The following FAT2 variants were observed in gnomAD, a reference collection of about 807,000 sequenced individuals.
FAT2 encodes the protein protocadherin Fat 2.
In FAT2, 150 loss-of-function variants were observed where a neutral mutation model predicts 295.3. The ratio of observed to expected loss-of-function variants is 0.51; its 90% CI spans 0.44 to 0.58. The LOEUF (loss-of-function observed/expected upper bound fraction) is 0.58, where lower values mean the gene tolerates loss of function less well. Ranked by LOEUF, FAT2 falls within the 20% of genes least tolerant of loss-of-function variation. The probability of loss-of-function intolerance (pLI) is 0.00; values close to 1 mark genes in which losing one functional copy is unlikely to be tolerated. For synonymous variants in FAT2, 2,026 were observed against 2,150.3 expected (o/e 0.94, Z 1.60); for missense variants, 4,868 against 5,442.7 (o/e 0.89, Z 3.32).
Position 151,544,022 on chromosome 5 carries a change from C to T in FAT2, c.7105G>A (p.Val2369Met). Residue 2369 changes from valine to methionine, a missense_variant, in exon 10 of 24, where the codon GTG becomes ATG. By Grantham distance (21) the Val-to-Met change is conservative. Coordinates refer to ENST00000261800, the MANE Select transcript of FAT2 (RefSeq NM_001447.3). ...LTGETLVVVNVSDINDNPPEF... is the reference protein window; with the variant it reads ...LTGETLVVVNMSDINDNPPEF... ...GGGGGGTTGTCATTGATATCAGACA[C>T]ATTGACAACCACAAGGGTTTCACCA... is the stretch of plus-strand genomic sequence containing the variant. The T allele has an allele frequency of 6.2e-7, 1 of 1,614,200 alleles. No individual in the cohort carries two copies. Among genetic ancestry groups the T allele is most frequent in the Non-Finnish European group, 8.5e-7 (1 of 1,180,042 alleles).
At chr5:151,554,282 C>A in intron 5 of FAT2, 80 bp downstream of exon 5, 1 of 1,338,020 alleles carries the variant, frequency 7.5e-7, no homozygotes, top group South Asian at 1.4e-5. Flanking sequence ...GGTGGGCTGT[C>A]TCCCTCCTCC....
chr5:151,541,163 TTTTA>T (rs780214086), intron 10 of FAT2, among the ~76,000 whole-genome samples: 11 of 152,340 alleles, frequency 7.2e-5, no homozygotes, highest in Non-Finnish European at 1.0e-4. Context: ...CAAGGTTTTA[TTTTA>T]TAACTAAGGA....
rs773347014 is a variant in FAT2 at position 151,556,394 on chromosome 5, A to T, written c.3583T>A (p.Ser1195Thr). 5.6e-6 allele frequency: 9 copies of T among 1,613,432 alleles called. No homozygotes were observed. ...TCTCTGTCCAGCTGCTGGGCTGTAG[A>T]TAGGAGACCTGAGAGAGAGATGATA... ...FMIHPVTGLL[S>T]TAQQLDRENK... Residue 1195 changes from serine to threonine, a missense_variant, in exon 4 of 24, where the codon TCT becomes ACT. Physicochemically the swap from Ser to Thr is moderately conservative, Grantham distance 58. This residue lies in a region of FAT2 where 3,297 missense variants were observed against 3,669.4 expected (regional missense o/e 0.90). Coordinates refer to ENST00000261800, the MANE Select transcript of FAT2 (RefSeq NM_001447.3).
rs1199728768 is a variant in FAT2 at position 151,567,433 on chromosome 5, G to C, written c.1499C>G (p.Pro500Arg). The change falls in exon 2 of 24, where the codon CCA becomes CGA. Residue 500 changes from proline to arginine, a missense_variant. This residue lies in a region of FAT2 where 3,297 missense variants were observed against 3,669.4 expected (regional missense o/e 0.90). Transcript: ENST00000261800. ...NGYVTYSIAG[P>R]KALPFSIDPY... The stretch of plus-strand genomic sequence containing the variant: ...GTCAATAGAAAATGGCAAAGCTTTT[G>C]GTCCAGCAATGGAATAGGTGACATA... 2 of 1,614,160 alleles carry C rather than the reference G, an allele frequency of 1.2e-6. No homozygotes were observed. The highest frequency in any genetic ancestry group is 1.1e-5 in the South Asian group (1 of 91,070).
In FAT2 at chr5:151,521,748, G is replaced by T; in HGVS notation, c.10845C>A (p.Val3615=). 1.2e-6 allele frequency: 2 copies of T among 1,614,028 alleles called. No homozygotes were observed. The highest frequency in any genetic ancestry group is 1.7e-6 in the Non-Finnish European group (2 of 1,180,040). The change falls in exon 19 of 24, where the codon GTC becomes GTA. Residue 3615 remains valine, a synonymous_variant. Transcript: ENST00000261800. ...GCCCCACATGCCACACGTACACATG[G>T]ACCCCAGCAGTCGTGGTGAAGGTCC... is the stretch of plus-strand genomic sequence containing the variant. ...SDGTFTTTAG[V]HVYVWHVGQE...
At position 151,565,661 on chromosome 5, in the gene FAT2, C is replaced by CAA; in HGVS notation, c.3259+11_3259+12insTT. On this transcript the variant is annotated intron_variant, in intron 2 of 23. Coordinates refer to ENST00000261800, the MANE Select transcript of FAT2 (RefSeq NM_001447.3). ...CTGGCCCTGGCACCCCACCCTACCCCACCCCCAGTACCTGTATCTTGGTTG... is the reference window on the plus strand; with the variant it reads ...CTGGCCCTGGCACCCCACCCTACCCCAAACCCCCAGTACCTGTATCTTGGTTG... 5.2e-6 allele frequency: 8 copies of CAA among 1,550,248 alleles called. No homozygotes were observed. The highest frequency in any genetic ancestry group is 7.0e-6 in the Non-Finnish European group (8 of 1,142,550).
Position 151,569,255 on chromosome 5 carries a change from G to A in FAT2, c.-20-304C>T, listed in dbSNP as rs115811200. 2.9e-3 allele frequency among the ~76,000 whole-genome samples: 448 copies of A among 152,306 alleles called. 2 individuals carry two copies. The highest frequency in any genetic ancestry group is 0.01 in the African/African-American group (422 of 41,560). Reference sequence around the variant, plus strand: ...AGGAATGAGGTTTAATGGACTCACCGTTCCACATGACTGGGGAGGCCCCAT... The same window carrying A: ...AGGAATGAGGTTTAATGGACTCACCATTCCACATGACTGGGGAGGCCCCAT... On this transcript the variant is annotated intron_variant, in intron 1 of 23. Transcript: ENST00000261800.
chr5:151,529,443 G>A (rs536535819), intron 14 of FAT2, 51 bp from the exon 15 acceptor site: 30 of 1,532,740 alleles, frequency 2.0e-5, no homozygotes, highest in East Asian at 4.5e-5. Context: ...GCCCTCAAAG[G>A]CGCAGGACTG....
chr5:151,554,532 A>G lies in FAT2; in HGVS notation c.3775T>C (p.Ser1259Pro), dbSNP rs2127631027. Residue 1259 changes from serine (S) to proline (P), a missense_variant, in exon 5 of 24, where the codon TCC becomes CCC. By Grantham distance (74) the Ser-to-Pro change is moderately conservative. Transcript: ENST00000261800. ...VRLPERLSPV[S>P]PGPVYRLVAS... ...ACCAGCCTGTACACAGGCCCAGGGG[A>G]CACAGGGCTCAGCCTCTCTGGAAGG... 2 of 1,614,176 alleles carry G rather than the reference A, an allele frequency of 1.2e-6. No homozygotes were observed. Among genetic ancestry groups the G allele is most frequent in the Non-Finnish European group, 1.7e-6 (2 of 1,180,028 alleles).
At chr5:151,552,728 T>C (rs933338557) in intron 6 of FAT2, among the ~76,000 whole-genome samples, 8 of 152,258 alleles carry the variant, frequency 5.3e-5, no homozygotes, top group Admixed American at 2.0e-4. Flanking sequence ...AAGTGCCTCG[T>C]AGAATGAGAA....
In FAT2 at chr5:151,540,682, T is replaced by C. The variant is rs1756038654; in HGVS notation, c.8924A>G (p.Glu2975Gly). 1.2e-6 allele frequency: 2 copies of C among 1,614,216 alleles called. No homozygotes were observed. The highest frequency in any genetic ancestry group is 2.7e-5 in the African/African-American group (2 of 75,042). Residue 2975 changes from glutamate (E) to glycine (G), a missense_variant, in exon 11 of 24, where the codon GAG becomes GGG. Around this residue, in one of 5 missense-constraint regions of FAT2, gnomAD observed 3,297 missense variants for 3,669.4 expected, o/e 0.90. Coordinates refer to ENST00000261800, the MANE Select transcript of FAT2 (RefSeq NM_001447.3). ...RISSRKTLDR[E>G]HTAKYLLRVT... ...TCTGAGCAAGTACTTGGCTGTATGC[T>C]CGCGGTCCAGGGTCTTCCTTGAGGA...
At chr5:151,537,422 G>GGAAAGGAGAGGAAA (rs1755541690) in intron 12 of FAT2, among the ~76,000 whole-genome samples, 1 of 100,276 alleles carries the variant, frequency 1.0e-5, no homozygotes, top group Admixed American at 1.0e-4. Context: ...AAGGAAAAAA[G>GGAAAGGAGAGGAAA]GAAAGGAGAG....
rs746732748 is a variant in FAT2 at position 151,529,321 on chromosome 5, G to C, written c.9883C>G (p.Arg3295Gly). ...TCACTGAGGGAAGAGGAGCTCTTCC[G>C]GCTGCACTCAATGGACAGGAAGTAC... Reference protein sequence around the residue: ...PKYFLSIECSRKSSSSLSDVT... With the variant: ...PKYFLSIECSGKSSSSLSDVT... Residue 3295 changes from arginine (R) to glycine (G), a missense_variant, in exon 15 of 24, where the codon CGG becomes GGG. Arg to Gly is a moderately radical substitution (Grantham distance 125). This residue lies in a region of FAT2 where 1,046 missense variants were observed against 1,210.1 expected (regional missense o/e 0.86). Coordinates refer to ENST00000261800, the MANE Select transcript of FAT2 (RefSeq NM_001447.3). The C allele has an allele frequency of 6.2e-7, 1 of 1,613,972 alleles. No homozygotes were observed. The highest frequency in any genetic ancestry group is 8.5e-7 in the Non-Finnish European group (1 of 1,179,914).
intron 3 of FAT2, among the ~76,000 whole-genome samples, chr5:151,558,702 C>G (rs1005952881): frequency 2.0e-5 from 3 of 152,152 alleles, no homozygotes; most frequent in African/African-American, 7.2e-5. Flanking sequence ...GCATTTTCCC[C>G]ATTTATTATT....
In FAT2 at chr5:151,544,268, C is replaced by T. The variant is rs1297404038; in HGVS notation, c.6859G>A (p.Ala2287Thr). ...YTTSISEGLPAQTPVIQLLAS... is the reference protein window; with the variant it reads ...YTTSISEGLPTQTPVIQLLAS... ...AACAGTTGGATCACAGGGGTCTGAGCAGGCAAGCCTTCTGAGATGGAAGTG... is the reference window on the plus strand; with the variant it reads ...AACAGTTGGATCACAGGGGTCTGAGTAGGCAAGCCTTCTGAGATGGAAGTG... Residue 2287 changes from alanine (A) to threonine (T), a missense_variant, in exon 10 of 24, where the codon GCT becomes ACT. By Grantham distance (58) the Ala-to-Thr change is moderately conservative (BLOSUM62 0). Transcript: ENST00000261800. The T allele has an allele frequency of 1.2e-6, 2 of 1,614,174 alleles. No homozygotes were observed. Among genetic ancestry groups the T allele is most frequent in the East Asian group, 2.2e-5 (1 of 44,888 alleles).
chr5:151,593,058 G>A (rs1759473429), upstream of FAT2, among the ~76,000 whole-genome samples: 1 of 152,194 alleles, frequency 6.6e-6, no homozygotes, highest in African/African-American at 2.4e-5. Flanking sequence ...ATTCTCTGAG[G>A]CTTCCCTCCT....
chr5:151,519,977 C>T (rs1237153651), intron 19 of FAT2, among the ~76,000 whole-genome samples: 1 of 152,194 alleles, frequency 6.6e-6, no homozygotes, highest in African/African-American at 2.4e-5. Flanking sequence ...AATTTTAGAA[C>T]CCCTGCTGTC....
intron 1 of FAT2, among the ~76,000 whole-genome samples, chr5:151,584,838 A>G (rs988927135): frequency 1.3e-5 from 2 of 152,190 alleles, no homozygotes; most frequent in African/African-American, 4.8e-5. Flanking sequence ...CACTAGTCCA[A>G]TGGCTACCAA....
rs1756026424 is a variant in FAT2 at position 151,540,548 on chromosome 5, C to T, written c.9039+19G>A. On this transcript the variant is annotated intron_variant, in intron 11 of 23. Transcript: ENST00000261800. ...TTCCTTGCCTTCACTACCCACTCCA[C>T]CCCTCGCCAGGCTCTCACCTGTGAA... The T allele has an allele frequency of 6.3e-7, 1 of 1,598,574 alleles. No individual in the cohort carries two copies. Among genetic ancestry groups the T allele is most frequent in the Middle Eastern group, 1.8e-4 (1 of 5,478 alleles).
Sources: allele counts gnomAD v4.1 joint callset (sites outside exome capture counted in the v4.1 genomes callset), GRCh38; gene constraint gnomAD v4.1.1; regional missense constraint gnomAD v4.1.1; transcripts MANE v1.5; gene names NCBI Gene and HGNC (gene_info 2026-07-23, HGNC 2026-07-21).